EXOSC10: variants seen among roughly 807,000 people sequenced by gnomAD.
EXOSC10 encodes exosome complex component 10.
EXOSC10 carries 94 observed loss-of-function variants against 126.6 expected under a neutral mutation model. The observed-to-expected ratio is 0.74, with a 90% CI of 0.63 to 0.88. The LOEUF (loss-of-function observed/expected upper bound fraction) is 0.88. Ranked by LOEUF, EXOSC10 falls within the 40% of genes least tolerant of loss-of-function variation. The pLI is 0.00. For synonymous variants in EXOSC10, 395 were observed against 400.8 expected (o/e 0.99, Z 0.17); for missense variants, 1,041 against 1,100.5 (o/e 0.95, Z 0.77).
chr1:11,082,958 T>C (rs1640251258), intron 9 of EXOSC10, 80 bp from the exon 10 acceptor site: 3 of 1,133,518 alleles, frequency 2.6e-6, no homozygotes, highest in Non-Finnish European at 2.6e-6. Flanking sequence ...TCTAGTTTAT[T>C]AGAACACTGA....
At chr1:11,070,717 A>C in intron 21 of EXOSC10, 183 bp downstream of exon 21, 1 of 586,794 alleles carries the variant, frequency 1.7e-6, no homozygotes, top group East Asian at 2.8e-5. Flanking sequence ...AGGAATTACA[A>C]TATCAATCTT....
chr1:11,070,969 G>C lies in EXOSC10; in HGVS notation c.2247C>G (p.Ala749=), dbSNP rs556525362. ...TGCACGCCTCCTTTGCCTGTTCCCGGGCAGCTGCAAGGGAGAGAACTTGTC... is the reference window on the plus strand; with the variant it reads ...TGCACGCCTCCTTTGCCTGTTCCCGCGCAGCTGCAAGGGAGAGAACTTGTC... ...VKKKAAEQTA[A]REQAKEACKA... The change falls in exon 21 of 25, where the codon GCC becomes GCG. Residue 749 remains alanine (A), a synonymous_variant. Coordinates refer to ENST00000376936, the MANE Select transcript of EXOSC10 (RefSeq NM_001001998.3). 2.5e-6 allele frequency: 4 copies of C among 1,613,796 alleles called. No homozygotes were observed. The African/African-American group carries it at 5.3e-5, about 22-fold the overall frequency.
intron 3 of EXOSC10, among the ~76,000 whole-genome samples, chr1:11,092,434 C>T (rs111543172): frequency 2.0e-5 from 3 of 149,862 alleles, no homozygotes; most frequent in Admixed American, 6.7e-5. Context: ...AGGATGGTCT[C>T]GATCTCTTGA....
intron 4 of EXOSC10, 43 bp from the exon 5 acceptor site, chr1:11,091,222 A>G: frequency 6.4e-7 from 1 of 1,551,454 alleles, no homozygotes; most frequent in Non-Finnish European, 8.8e-7. Flanking sequence ...CAGCAACTTG[A>G]TGAATTAGAA....
At chr1:11,075,003 C>A (rs1639731114) in intron 17 of EXOSC10, among the ~76,000 whole-genome samples, 1 of 152,152 alleles carries the variant, frequency 6.6e-6, no homozygotes, top group Non-Finnish European at 1.5e-5. Flanking sequence ...AACATGAGGT[C>A]TTAATTGATG....
chr1:11,088,708 C>G (rs1640634735), intron 6 of EXOSC10, among the ~76,000 whole-genome samples: 1 of 152,206 alleles, frequency 6.6e-6, no homozygotes, highest in South Asian at 2.1e-4. Flanking sequence ...CTTTGTTTCT[C>G]CAGCACTTAG....
intron 16 of EXOSC10, 104 bp downstream of exon 16, chr1:11,077,261 C>T: frequency 8.5e-7 from 1 of 1,178,808 alleles, no homozygotes; most frequent in Non-Finnish European, 1.2e-6. Flanking sequence ...AATATGCTGG[C>T]ATTACAGGCA....
intron 6 of EXOSC10, 142 bp downstream of exon 6, chr1:11,090,412 T>G: frequency 1.4e-6 from 1 of 727,262 alleles, no homozygotes; most frequent in Non-Finnish European, 2.4e-6. Context: ...AACAGCAGGT[T>G]TTATTGCTAA....
chr1:11,074,323 G>A lies in EXOSC10; in HGVS notation c.1990C>T (p.Pro664Ser). 2 of 1,612,720 alleles carry A rather than the reference G, an allele frequency of 1.2e-6. No homozygotes were observed. The highest frequency in any genetic ancestry group is 1.7e-6 in the Non-Finnish European group (2 of 1,178,910). Residue 664 changes from proline to serine, a missense_variant, in exon 18 of 25, where the codon CCT becomes TCT. By Grantham distance (74) the Pro-to-Ser change is moderately conservative. Around this residue, in one of 3 missense-constraint regions of EXOSC10, gnomAD observed 388 missense variants for 415.2 expected, o/e 0.93. Coordinates refer to ENST00000376936, the MANE Select transcript of EXOSC10 (RefSeq NM_001001998.3). Reference sequence around the variant, plus strand: ...CCCTTTTTACTGTCTTCAGCACTAGGTTCCTGCAGGGACAGACAAAAAACG... The same window carrying A: ...CCCTTTTTACTGTCTTCAGCACTAGATTCCTGCAGGGACAGACAAAAAACG... ...ATAVITLFNE[P>S]SAEDSKKGPL...
In EXOSC10 at chr1:11,082,759, G is replaced by A. The variant is rs549732882; in HGVS notation, c.1209C>T (p.Leu403=). The A allele has an allele frequency of 5.0e-6, 8 of 1,614,028 alleles. No individual in the cohort carries two copies. Among genetic ancestry groups the A allele is most frequent in the Admixed American group, 3.3e-5 (2 of 59,990 alleles). ...TGCAGTAGAGTTTCAGGAGATGATCGAGTGAGTGCCTGCCCAGGTTAAGAA... is the reference window on the plus strand; with the variant it reads ...TGCAGTAGAGTTTCAGGAGATGATCAAGTGAGTGCCTGCCCAGGTTAAGAA... The part of the protein sequence containing the change: ...ARLLNLGRHS[L]DHLLKLYCNV... The change falls in exon 10 of 25, where the codon CTC becomes CTT. Residue 403 remains leucine, a synonymous_variant. Coordinates refer to ENST00000376936, the MANE Select transcript of EXOSC10 (RefSeq NM_001001998.3).
chr1:11,089,606 A>G (rs1392314176), intron 6 of EXOSC10, among the ~76,000 whole-genome samples: 1 of 149,554 alleles, frequency 6.7e-6, no homozygotes, highest in Non-Finnish European at 1.5e-5. Flanking sequence ...GAGCAACAAG[A>G]GCGAAACTCC....
intron 7 of EXOSC10, 86 bp from the exon 8 acceptor site, chr1:11,087,996 T>C (rs1385567727): frequency 2.4e-6 from 3 of 1,248,560 alleles, no homozygotes; most frequent in Non-Finnish European, 3.5e-6. Context: ...GTTTGAGAAA[T>C]GACCCAAAAC....
At chr1:11,095,602 T>C in intron 3 of EXOSC10, 156 bp downstream of exon 3, 1 of 578,840 alleles carries the variant, frequency 1.7e-6, no homozygotes, top group South Asian at 2.0e-5. Context: ...TAGTCCCAGC[T>C]ACTTGGGAGG....
intron 15 of EXOSC10, 51 bp downstream of exon 15, chr1:11,077,550 T>C: frequency 1.2e-6 from 2 of 1,611,082 alleles, no homozygotes; most frequent in Non-Finnish European, 1.7e-6. Flanking sequence ...TTGCACTGGC[T>C]GTGACTTGAC....
At chr1:11,099,634 C>T (rs1271556956) in intron 1 of EXOSC10, 87 bp downstream of exon 1, 70 of 1,378,116 alleles carry the variant, frequency 5.1e-5, no homozygotes, top group Non-Finnish European at 3.7e-5. Flanking sequence ...TCCACTACGG[C>T]GGGCGGGCAT....
intron 6 of EXOSC10, 90 bp downstream of exon 6, chr1:11,090,464 A>AT (rs1189764866): frequency 9.8e-7 from 1 of 1,025,228 alleles, no homozygotes; most frequent in Admixed American, 2.0e-5. Flanking sequence ...TACTCCTCAG[A>AT]TTGTTTTCAT....
In EXOSC10 at chr1:11,099,851, C is replaced by A; in HGVS notation, c.-20G>T. 6.3e-7 allele frequency: 1 copy of A among 1,586,692 alleles called. No homozygotes were observed. The highest frequency in any genetic ancestry group is 1.8e-5 in the Admixed American group (1 of 55,426). On this transcript the variant is annotated 5_prime_UTR_variant, in exon 1 of 25. Transcript: ENST00000376936. ...CGCCATTTTTTCAGCCTGCACGGCTCGTCTCGCGAGAGCTTGTCGGCCGAG... is the reference window on the plus strand; with the variant it reads ...CGCCATTTTTTCAGCCTGCACGGCTAGTCTCGCGAGAGCTTGTCGGCCGAG...
chr1:11,090,218 G>A (rs1364801224), intron 6 of EXOSC10, among the ~76,000 whole-genome samples: 1 of 152,010 alleles, frequency 6.6e-6, no homozygotes, highest in African/African-American at 2.4e-5. Flanking sequence ...GGCTGGTCTC[G>A]AACTCCTGAC....
At chr1:11,098,261 C>CA (rs1641226805) in intron 1 of EXOSC10, 105 bp from the exon 2 acceptor site, 1 of 1,352,184 alleles carries the variant, frequency 7.4e-7, no homozygotes, top group Non-Finnish European at 9.7e-7. Context: ...CTTCATCCAT[C>CA]AAAAAAAGCA....
Sources: allele counts gnomAD v4.1 joint callset (sites outside exome capture counted in the v4.1 genomes callset), GRCh38; gene constraint gnomAD v4.1.1; regional missense constraint gnomAD v4.1.1; transcripts MANE v1.5; gene names NCBI Gene and HGNC (gene_info 2026-07-23, HGNC 2026-07-21).